The following NOL4 variants were observed in gnomAD, a reference collection of about 807,000 sequenced individuals.
The protein encoded by NOL4 is nucleolar protein 4.
In NOL4, 17 loss-of-function variants were observed where a neutral mutation model predicts 75.9. The ratio of observed to expected loss-of-function variants is 0.22; its 90% CI spans 0.15 to 0.34. The LOEUF (loss-of-function observed/expected upper bound fraction) is 0.34. Among genes scored for constraint, NOL4 ranks in the 10% least tolerant of loss-of-function variants. The probability of loss-of-function intolerance (pLI) is 1.00; values close to 1 mark genes in which losing one functional copy is unlikely to be tolerated. For missense variants in NOL4, 614 were observed against 793.5 expected, an observed-to-expected ratio of 0.77 and a Z score of 2.72; for synonymous variants, 292 against 289.9, an observed-to-expected ratio of 1.01 and a Z score of -0.07.
At chr18:34,143,596 T>C (rs1300688363) in intron 1 of NOL4, among the ~76,000 whole-genome samples, 1 of 151,912 alleles carries the variant, frequency 6.6e-6, no homozygotes, top group Non-Finnish European at 1.5e-5. Context: ...GCCTGGAGAG[T>C]TGGCTCAAGC....
chr18:34,021,628 A>G (rs897043294), intron 5 of NOL4, among the ~76,000 whole-genome samples: 11 of 152,024 alleles, frequency 7.2e-5, no homozygotes, highest in African/African-American at 2.4e-4. Flanking sequence ...ATGAAGGGGC[A>G]AAATGGAAGT....
intron 10 of NOL4, among the ~76,000 whole-genome samples, chr18:33,854,920 T>C (rs2062773431): frequency 6.6e-6 from 1 of 152,034 alleles, no homozygotes; most frequent in African/African-American, 2.4e-5. Context: ...GCTGGCTCAG[T>C]GTTCTAAGCT....
chr18:34,221,615 A>AC (rs1272270549), intron 1 of NOL4: 1 of 154,120 alleles, frequency 6.5e-6, no homozygotes, highest in Admixed American at 6.5e-5. Context: ...AAAAAAAAAA[A>AC]AAAAACCACC....
At chr18:34,137,305 T>G (rs550688205) in intron 1 of NOL4, among the ~76,000 whole-genome samples, 1 of 152,064 alleles carries the variant, frequency 6.6e-6, no homozygotes, top group Admixed American at 6.6e-5. Context: ...CAAAAATATT[T>G]AAAATGTTTA....
chr18:34,142,153 A>C (rs1326107766), intron 1 of NOL4, among the ~76,000 whole-genome samples: 1 of 152,212 alleles, frequency 6.6e-6, no homozygotes, highest in Non-Finnish European at 1.5e-5. Context: ...ACCAGTTAGA[A>C]TGGTGATCAT....
rs2037475148 is a variant in NOL4 at position 34,223,846 on chromosome 18, G to A, written c.-593C>T. The A allele has an allele frequency of 6.5e-6, 1 of 153,430 alleles. No homozygotes were observed. Among genetic ancestry groups the A allele is most frequent in the Non-Finnish European group, 1.4e-5 (1 of 69,072 alleles). The allele number at this position is 153,430 out of a possible 1,614,324, so 9.5% of individuals were successfully genotyped here. A position where few individuals can be genotyped will look rare whatever the true frequency, so the allele number is the denominator to read the frequency against. On this transcript the variant is annotated 5_prime_UTR_variant, in exon 1 of 11. Transcript: ENST00000261592. The stretch of plus-strand genomic sequence containing the variant: ...GGGTCCCGGATCTCTCCTTCCTCCT[G>A]GGTCCTGCTTTGACCTTCCCCACGA...
rs1402078090 is a variant in NOL4, at chr18:34,140,873, T to G, written c.265-10853A>C. Among the ~76,000 whole-genome samples, 156 of 152,074 alleles carry G rather than the reference T, an allele frequency of 1.0e-3. 1 individual carries two copies. Among genetic ancestry groups the G allele is most frequent in the Non-Finnish European group, 2.2e-4 (15 of 67,946 alleles). ...TTCAGGAGCTCTTGTAGGGCAGGCC[T>G]CATGGTGACAAAATCTCTCAGCATT... is the stretch of plus-strand genomic sequence containing the variant. On this transcript the variant is annotated intron_variant, in intron 1 of 10. Coordinates refer to ENST00000261592, the MANE Select transcript of NOL4 (RefSeq NM_003787.5).
At chr18:33,854,519 C>G (rs919425555) in intron 10 of NOL4, among the ~76,000 whole-genome samples, 2 of 152,004 alleles carry the variant, frequency 1.3e-5, no homozygotes, top group African/African-American at 2.4e-5. Flanking sequence ...AGTTACTGAA[C>G]CTGTGTTGAG....
intron 5 of NOL4, among the ~76,000 whole-genome samples, chr18:34,075,309 CA>C (rs1230175756): frequency 6.6e-6 from 1 of 152,100 alleles, no homozygotes; most frequent in Admixed American, 6.5e-5. Context: ...TCATTTTTTG[CA>C]TTCAATTTTA....
intron 9 of NOL4, among the ~76,000 whole-genome samples, chr18:33,909,799 G>A (rs1024432572): frequency 3.3e-5 from 5 of 151,752 alleles, no homozygotes; most frequent in Admixed American, 2.0e-4. Flanking sequence ...CCAGGGCTGC[G>A]AAGGAAGGAT....
At chr18:34,117,013 A>G (rs183990023) in intron 2 of NOL4, among the ~76,000 whole-genome samples, 2 of 152,302 alleles carry the variant, frequency 1.3e-5, no homozygotes, top group East Asian at 3.9e-4. Context: ...GCAATCCTCA[A>G]AATTAAGATT....
rs182058631 is a variant in NOL4, at chr18:33,952,139, T to A, written c.1428+5187A>T. Among the ~76,000 whole-genome samples, 7 of 152,274 alleles carry A rather than the reference T, an allele frequency of 4.6e-5. No homozygotes were observed. The East Asian group carries it at 1.2e-3, about 25-fold the overall frequency. On this transcript the variant is annotated intron_variant, in intron 8 of 10. Coordinates refer to ENST00000261592, the MANE Select transcript of NOL4 (RefSeq NM_003787.5). ...TATATTCAGGATTTGTATGTGTTTG[T>A]GGTGGGAAGCTGGGTGGGGTGTGTG...
At chr18:34,205,591 A>G (rs572998576) in intron 1 of NOL4, among the ~76,000 whole-genome samples, 3 of 152,148 alleles carry the variant, frequency 2.0e-5, no homozygotes, top group South Asian at 4.1e-4. Flanking sequence ...CGCAGCAAGA[A>G]AGAGACGAAA....
rs113570299 is a variant in NOL4, at chr18:33,988,205, G to A, written c.1057-29787C>T. On this transcript the variant is annotated intron_variant, in intron 6 of 10. Transcript: ENST00000261592. ...CAAGGTGTAATTGACTCTACACTTC[G>A]GAGGAAATTAAACCCTTAGCCAGAG... 9.1e-3 allele frequency among the ~76,000 whole-genome samples: 1,387 copies of A among 152,022 alleles called. 13 individuals carry two copies. The highest frequency in any genetic ancestry group is 0.012 in the Non-Finnish European group (831 of 67,942).
intron 2 of NOL4, among the ~76,000 whole-genome samples, chr18:34,118,494 C>G (rs1373241770): frequency 2.0e-5 from 3 of 152,082 alleles, no homozygotes; most frequent in Non-Finnish European, 4.4e-5. Flanking sequence ...TATTAAAAGC[C>G]TGTGTGTCCT....
intron 1 of NOL4, among the ~76,000 whole-genome samples, chr18:34,187,509 T>G (rs1205014968): frequency 2.0e-5 from 3 of 151,706 alleles, no homozygotes; most frequent in Non-Finnish European, 4.4e-5. Context: ...CCCGCGTAGC[T>G]GGGACTACAG....
chr18:34,011,644 A>G (rs2074379731), intron 6 of NOL4, among the ~76,000 whole-genome samples: 1 of 151,784 alleles, frequency 6.6e-6, no homozygotes, highest in African/African-American at 2.4e-5. Context: ...AGCAAAAAAT[A>G]AAAAACAAAA....
At chr18:34,034,913 T>C (rs2075818282) in intron 5 of NOL4, among the ~76,000 whole-genome samples, 1 of 152,122 alleles carries the variant, frequency 6.6e-6, no homozygotes, top group Non-Finnish European at 1.5e-5. Flanking sequence ...ATAAACATTC[T>C]AAATATATAG....
chr18:34,007,093 T>C (rs1431789617), intron 6 of NOL4, among the ~76,000 whole-genome samples: 2 of 151,972 alleles, frequency 1.3e-5, no homozygotes, highest in African/African-American at 2.4e-5. Context: ...ACAACAATGA[T>C]TCTGTTCAGC....
Sources: allele counts gnomAD v4.1 joint callset (sites outside exome capture counted in the v4.1 genomes callset), GRCh38; gene constraint gnomAD v4.1.1; transcripts MANE v1.5; gene names NCBI Gene and HGNC (gene_info 2026-07-23, HGNC 2026-07-21).